The following MVB12B variants were observed in gnomAD, a reference collection of about 807,000 sequenced individuals.
MVB12B encodes the protein multivesicular body subunit 12B, also known as ESCRT-I complex subunit MVB12B.
MVB12B carries 16 observed loss-of-function variants against 41.6 expected under a neutral mutation model. The observed-to-expected ratio is 0.38, with a 90% CI of 0.26 to 0.58. The LOEUF is 0.58. Ranked by LOEUF, MVB12B falls within the 20% of genes least tolerant of loss-of-function variation. The pLI is 0.62. For synonymous variants in MVB12B, 133 were observed against 139.7 expected, an observed-to-expected ratio of 0.95 and a Z score of 0.34; for missense variants, 274 against 380.2, an observed-to-expected ratio of 0.72 and a Z score of 2.32.
intron 4 of MVB12B, among the ~76,000 whole-genome samples, chr9:126,388,063 C>G (rs1483692302): frequency 6.6e-6 from 1 of 152,188 alleles, no homozygotes; most frequent in Admixed American, 6.5e-5. Flanking sequence ...ATTTAACATG[C>G]ACAGTTCAGT....
rs377128211 is a variant in MVB12B, at chr9:126,347,803, T to A, written c.204+7173T>A. Among the ~76,000 whole-genome samples the A allele has an allele frequency of 7.9e-5, 12 of 152,280 alleles. No individual in the cohort carries two copies. The East Asian group carries it at 1.5e-3, about 20-fold the overall frequency. On this transcript the variant is annotated intron_variant, in intron 2 of 9. Transcript: ENST00000361171. Reference sequence around the variant, plus strand: ...TTAAAAACATATGGCAGATATCAAGTGGAAATGTGGGACATTGGCATATCC... The same window carrying A: ...TTAAAAACATATGGCAGATATCAAGAGGAAATGTGGGACATTGGCATATCC...
intron 7 of MVB12B, among the ~76,000 whole-genome samples, chr9:126,448,579 A>G (rs1832834711): frequency 1.3e-5 from 2 of 152,240 alleles, no homozygotes; most frequent in African/African-American, 2.4e-5. Flanking sequence ...CAGACTATAT[A>G]GGAAGCTCCA....
intron 7 of MVB12B, among the ~76,000 whole-genome samples, chr9:126,424,316 A>G (rs1224538230): frequency 6.6e-6 from 1 of 152,184 alleles, no homozygotes; most frequent in Non-Finnish European, 1.5e-5. Context: ...CATGCCTGCT[A>G]AGGGTGAGAC....
At chr9:126,487,493 C>T (rs1486174093) in intron 9 of MVB12B, among the ~76,000 whole-genome samples, 1 of 152,230 alleles carries the variant, frequency 6.6e-6, no homozygotes, top group Non-Finnish European at 1.5e-5. Context: ...GGTGTGGTGG[C>T]TTACGCCTGT....
chr9:126,342,341 G>A (rs1829468546), intron 2 of MVB12B, among the ~76,000 whole-genome samples: 1 of 152,296 alleles, frequency 6.6e-6, no homozygotes, highest in Non-Finnish European at 1.5e-5. Flanking sequence ...CATTCCGTTT[G>A]TACCTTTAGG....
chr9:126,330,513 G>A (rs972128061), intron 1 of MVB12B, among the ~76,000 whole-genome samples: 1 of 152,138 alleles, frequency 6.6e-6, no homozygotes, highest in Non-Finnish European at 1.5e-5. Context: ...TCTGGGGAAC[G>A]GGACCTGGAA....
intron 2 of MVB12B, among the ~76,000 whole-genome samples, chr9:126,369,502 C>G (rs1830275936): frequency 1.3e-5 from 2 of 152,190 alleles, no homozygotes; most frequent in South Asian, 4.1e-4. Context: ...ACCCCCAGGC[C>G]CATGCCTCCC....
intron 7 of MVB12B, among the ~76,000 whole-genome samples, chr9:126,444,116 A>G (rs1832708989): frequency 6.6e-6 from 1 of 152,168 alleles, no homozygotes; most frequent in South Asian, 2.1e-4. Flanking sequence ...GCTGGGATTA[A>G]TGGTTGTATC....
chr9:126,344,141 A>AT (rs983591843), intron 2 of MVB12B, among the ~76,000 whole-genome samples: 2 of 151,928 alleles, frequency 1.3e-5, no homozygotes, highest in African/African-American at 4.8e-5. Context: ...TATCCACCCC[A>AT]TTTTTTGAGT....
At chr9:126,441,712 A>G (rs1232602229) in intron 7 of MVB12B, among the ~76,000 whole-genome samples, 1 of 143,926 alleles carries the variant, frequency 6.9e-6, no homozygotes, top group African/African-American at 2.4e-5. Context: ...TAATAGCTAC[A>G]AAACTGTAAG....
chr9:126,449,242 A>G (rs1486391613), intron 7 of MVB12B, among the ~76,000 whole-genome samples: 4 of 152,148 alleles, frequency 2.6e-5, no homozygotes, highest in African/African-American at 9.7e-5. Context: ...CACCAACTGG[A>G]TGCGACCTGC....
chr9:126,500,207 A>G (rs1833924938), intron 9 of MVB12B, among the ~76,000 whole-genome samples: 2 of 150,502 alleles, frequency 1.3e-5, no homozygotes, highest in African/African-American at 2.4e-5. Flanking sequence ...AGCAAGACCT[A>G]CTGAAGGAGC....
intron 9 of MVB12B, among the ~76,000 whole-genome samples, chr9:126,499,238 G>A (rs532464068): frequency 6.6e-6 from 1 of 152,102 alleles, no homozygotes; most frequent in African/African-American, 2.4e-5. Context: ...ATCAGTGGCA[G>A]GGTCCCCGGG....
At position 126,389,779 on chromosome 9, in the gene MVB12B, G is replaced by A. The variant is rs1830893568; in HGVS notation, c.410-2287G>A. On this transcript the variant is annotated intron_variant, in intron 4 of 9. Transcript: ENST00000361171. This position sits in a 1 kb window ranked among gnomAD's most constrained non-coding sequence, Gnocchi z 4.4. ...TCCCAAGTGTGGACCCTGAGGTTGG[G>A]TCTTGTCACACAGGAGGGTGGGCAG... is the stretch of plus-strand genomic sequence containing the variant. Among the ~76,000 whole-genome samples the A allele has an allele frequency of 6.6e-6, 1 of 152,140 alleles. No individual in the cohort carries two copies. Among genetic ancestry groups the A allele is most frequent in the Non-Finnish European group, 1.5e-5 (1 of 68,028 alleles).
At chr9:126,499,761 A>G (rs966666067) in intron 9 of MVB12B, among the ~76,000 whole-genome samples, 2 of 141,632 alleles carry the variant, frequency 1.4e-5, no homozygotes, top group African/African-American at 2.5e-5. Context: ...ATAACCTAAA[A>G]AGGGAAAAAA....
At chr9:126,452,633 G>A (rs1832906685) in intron 7 of MVB12B, among the ~76,000 whole-genome samples, 1 of 152,206 alleles carries the variant, frequency 6.6e-6, no homozygotes, top group South Asian at 2.1e-4. Context: ...AGAAAAGTGT[G>A]TGAACCCGGC....
rs1194540355 is a variant in MVB12B, at chr9:126,401,911, G to A, written c.662+6214G>A. 3.9e-5 allele frequency among the ~76,000 whole-genome samples: 6 copies of A among 152,222 alleles called. No individual in the cohort carries two copies. The South Asian group carries it at 1.0e-3, about 26-fold the overall frequency. ...CAAATCCTTCGGCTGCCTTCTGTCC[G>A]TTTTCAATTGTAAGATGGCCCTTGT... On this transcript the variant is annotated intron_variant, in intron 6 of 9. Coordinates refer to ENST00000361171, the MANE Select transcript of MVB12B (RefSeq NM_033446.3).
chr9:126,326,899 CG>C lies in MVB12B; in HGVS notation c.-28del. On this transcript the variant is annotated 5_prime_UTR_variant, in exon 1 of 10. Transcript: ENST00000361171. ...GCGCCGGCTCCTGCCGCCTGGGCCC[CG>C]GGCCCGGCCCCTCCCGCGCCGCCCG... The C allele has an allele frequency of 5.1e-6, 1 of 196,104 alleles. No homozygotes were observed. Among genetic ancestry groups the C allele is most frequent in the Non-Finnish European group, 1.0e-5 (1 of 98,670 alleles). The allele number at this position is 196,104 out of a possible 1,614,324, so 12.1% of individuals were successfully genotyped here. A position where few individuals can be genotyped will look rare whatever the true frequency, so the allele number is the denominator to read the frequency against.
chr9:126,451,967 A>G (rs903156229), intron 7 of MVB12B, among the ~76,000 whole-genome samples: 3 of 152,146 alleles, frequency 2.0e-5, no homozygotes, highest in African/African-American at 7.2e-5. Context: ...CTTGGTGGTT[A>G]TGAAAGTCCC....
Sources: gnomAD v4.1 joint callset for allele counts (sites outside exome capture counted in the v4.1 genomes callset) on GRCh38, gnomAD v4.1.1 for gene constraint, Gnocchi (gnomAD v3.1) non-coding constraint, MANE v1.5 for transcripts, NCBI Gene and HGNC (gene_info 2026-07-23, HGNC 2026-07-21) for gene names.